SHROOM3: variants seen among roughly 807,000 people sequenced by gnomAD.
SHROOM3 encodes the protein shroom family member 3.
A neutral mutation model predicts 138.6 loss-of-function variants in SHROOM3; 47 were observed. The ratio of observed to expected loss-of-function variants is 0.34; its 90% confidence interval spans 0.27 to 0.43. The LOEUF is 0.43. SHROOM3 is among the 20% of genes least tolerant of loss of function. The pLI, the probability that SHROOM3 is intolerant of heterozygous loss-of-function variation, is 1.00. For synonymous variants in SHROOM3, 1,062 were observed against 1,063.3 expected (o/e 1.00, Z 0.02); for missense variants, 2,491 against 2,596.5 (o/e 0.96, Z 0.88).
rs538478898 is a variant in SHROOM3 at position 76,613,523 on chromosome 4, C to T, written c.323+57760C>T. The stretch of plus-strand genomic sequence containing the variant: ...ATCTTATCCGTCTCATTAACACCTC[C>T]TTTGCTTTGATAAAAAGTCCTCAAG... On this transcript the variant is annotated intron_variant, in intron 2 of 10. Transcript: ENST00000296043. 2.6e-5 allele frequency among the ~76,000 whole-genome samples: 4 copies of T among 152,320 alleles called. No homozygotes were observed. In the South Asian group the frequency reaches 6.2e-4, roughly 24 times the overall value.
Position 76,779,419 on chromosome 4 carries a change from A to T in SHROOM3, c.*242A>T, listed in dbSNP as rs543377890. The T allele has an allele frequency of 2.3e-5, 11 of 472,522 alleles. No homozygotes were observed. Among genetic ancestry groups the T allele is most frequent in the East Asian group, 2.0e-4 (5 of 24,522 alleles). The allele number at this position is 472,522 out of a possible 1,614,324, so 29.3% of individuals were successfully genotyped here. A position where few individuals can be genotyped will look rare whatever the true frequency, so the allele number is the denominator to read the frequency against. On this transcript the variant is annotated 3_prime_UTR_variant, in exon 11 of 11. Coordinates refer to ENST00000296043, the MANE Select transcript of SHROOM3 (RefSeq NM_020859.4). ...TCTATTATTACTTTGTAGTAGAAAG[A>T]AAGTTAATGAAACTGAGAACTGATT...
chr4:76,635,431 A>G (rs1168773397), intron 2 of SHROOM3, among the ~76,000 whole-genome samples: 1 of 152,208 alleles, frequency 6.6e-6, no homozygotes, highest in African/African-American at 2.4e-5. Context: ...GAACCAAAAA[A>G]CAGTGTCTTC....
Position 76,646,225 on chromosome 4 carries a change from A to AATAAATATATATATATAT in SHROOM3, c.324-63928_324-63927insAATATATATATATATATA, listed in dbSNP as rs61374645. ...CCTAGAACTTAAAGTATAATAAATA[A>AATAAATATATATATATAT]ATATATATATATATATATATATAAA... On this transcript the variant is annotated intron_variant, in intron 2 of 10. Coordinates refer to ENST00000296043, the MANE Select transcript of SHROOM3 (RefSeq NM_020859.4). Among the ~76,000 whole-genome samples the AATAAATATATATATATAT allele has an allele frequency of 3.2e-3, 306 of 96,196 alleles. 5 individuals are homozygous for AATAAATATATATATATAT. The highest frequency in any genetic ancestry group is 0.031 in the East Asian group (71 of 2,288). The allele number at this position is 96,196 out of a possible 152,430, so 63.1% of individuals were successfully genotyped here.
At chr4:76,442,851 G>A (rs1424488170) in intron 1 of SHROOM3, among the ~76,000 whole-genome samples, 1 of 151,034 alleles carries the variant, frequency 6.6e-6, no homozygotes, top group Non-Finnish European at 1.5e-5. Flanking sequence ...ATTATTCGTG[G>A]TGCTTAAACT....
chr4:76,547,097 A>G (rs767662924), intron 1 of SHROOM3, among the ~76,000 whole-genome samples: 12 of 152,198 alleles, frequency 7.9e-5, no homozygotes, highest in Non-Finnish European at 1.6e-4. Flanking sequence ...CCTGTAAACC[A>G]CTATAATAGG....
chr4:76,640,052 T>C (rs1427359324), intron 2 of SHROOM3, among the ~76,000 whole-genome samples: 3 of 152,136 alleles, frequency 2.0e-5, no homozygotes, highest in African/African-American at 2.4e-5. Flanking sequence ...GCTCCTCTCT[T>C]GTGTTATGTT....
intron 1 of SHROOM3, among the ~76,000 whole-genome samples, chr4:76,539,378 C>A (rs1733050477): frequency 6.6e-6 from 1 of 152,126 alleles, no homozygotes; most frequent in Non-Finnish European, 1.5e-5. Flanking sequence ...AGCCAACTTC[C>A]AGATTGGCAT....
chr4:76,733,524 T>C (rs1720943837), intron 4 of SHROOM3, among the ~76,000 whole-genome samples: 2 of 152,160 alleles, frequency 1.3e-5, no homozygotes, highest in African/African-American at 4.8e-5. Flanking sequence ...CACCCTGTGG[T>C]GCAGCACAAA....
At chr4:76,572,016 C>T (rs1733841593) in intron 2 of SHROOM3, among the ~76,000 whole-genome samples, 1 of 152,186 alleles carries the variant, frequency 6.6e-6, no homozygotes, top group African/African-American at 2.4e-5. Context: ...TTCCTCCATA[C>T]TGCGCCCCCC....
chr4:76,441,326 C>G (rs918498609), intron 1 of SHROOM3, among the ~76,000 whole-genome samples: 2 of 152,110 alleles, frequency 1.3e-5, no homozygotes, highest in African/African-American at 2.4e-5. Flanking sequence ...ATCTCCTGAC[C>G]TCGTGATCCA....
intron 2 of SHROOM3, among the ~76,000 whole-genome samples, chr4:76,589,469 TAA>T (rs60606785): frequency 7.4e-5 from 10 of 135,544 alleles, no homozygotes; most frequent in Admixed American, 2.2e-4. Flanking sequence ...CTCTGTCTCA[TAA>T]AAAAAAAAAA....
intron 1 of SHROOM3, among the ~76,000 whole-genome samples, chr4:76,507,291 C>T (rs1732231472): frequency 6.6e-6 from 1 of 152,070 alleles, no homozygotes; most frequent in African/African-American, 2.4e-5. Context: ...GACCAAATAA[C>T]ACATGCAAAT....
intron 1 of SHROOM3, among the ~76,000 whole-genome samples, chr4:76,524,564 A>AATT (rs1732640168): frequency 6.6e-6 from 1 of 152,216 alleles, no homozygotes; most frequent in Non-Finnish European, 1.5e-5. Context: ...TTAATTAACA[A>AATT]AACAGGGTTT....
chr4:76,662,089 C>T (rs528298458), intron 2 of SHROOM3, among the ~76,000 whole-genome samples: 56 of 152,188 alleles, frequency 3.7e-4, no homozygotes, highest in Non-Finnish European at 6.8e-4. Context: ...GCTCACAATA[C>T]TCTAGGTCAC....
At chr4:76,593,197 A>G (rs1289328489) in intron 2 of SHROOM3, among the ~76,000 whole-genome samples, 2 of 152,246 alleles carry the variant, frequency 1.3e-5, no homozygotes, top group Non-Finnish European at 2.9e-5. Flanking sequence ...TGAATGAATG[A>G]AAAGATCTGT....
intron 2 of SHROOM3, among the ~76,000 whole-genome samples, chr4:76,651,711 G>A (rs1484646086): frequency 1.3e-5 from 2 of 152,080 alleles, no homozygotes; most frequent in Non-Finnish European, 2.9e-5. Context: ...TGAATTAATT[G>A]TCCAAGCCAA....
At chr4:76,700,420 T>C (rs1348700651) in intron 2 of SHROOM3, among the ~76,000 whole-genome samples, 8 of 152,128 alleles carry the variant, frequency 5.3e-5, no homozygotes, top group Non-Finnish European at 1.2e-4. Flanking sequence ...ATACCTGCCC[T>C]CCCTGGGGCA....
chr4:76,685,819 A>G (rs1411877423), intron 2 of SHROOM3, among the ~76,000 whole-genome samples: 1 of 152,146 alleles, frequency 6.6e-6, no homozygotes, highest in Non-Finnish European at 1.5e-5. Context: ...CTCTACTAAA[A>G]GTACAAAAAT....
intron 1 of SHROOM3, among the ~76,000 whole-genome samples, chr4:76,479,713 G>A (rs1456812681): frequency 6.6e-6 from 1 of 152,132 alleles, no homozygotes; most frequent in Non-Finnish European, 1.5e-5. Context: ...AGGAAAATAC[G>A]TTAAGGGCAG....
Sources: allele counts gnomAD v4.1 joint callset (sites outside exome capture counted in the v4.1 genomes callset), GRCh38; gene constraint gnomAD v4.1.1; transcripts MANE v1.5; gene names NCBI Gene and HGNC (gene_info 2026-07-23, HGNC 2026-07-21).